Variants in PAG1 observed in about 807,000 individuals in gnomAD.
PAG1 encodes the protein phosphoprotein associated with glycosphingolipid-enriched microdomains 1.
Under a neutral mutation model 31.7 loss-of-function variants are expected in PAG1, and 23 were observed. The ratio of observed to expected loss-of-function variants is 0.73; its 90% CI spans 0.52 to 1.03. PAG1 has a LOEUF of 1.03. PAG1 is among the 50% of genes least tolerant of loss of function. PAG1 has a pLI of 0.00. For missense variants in PAG1, 473 were observed against 540.7 expected (o/e 0.87, Z 1.24); for synonymous variants, 214 against 210.3 (o/e 1.02, Z -0.15).
intron 1 of PAG1, among the ~76,000 whole-genome samples, chr8:81,086,450 T>G (rs985563523): frequency 6.6e-6 from 1 of 152,132 alleles, no homozygotes; most frequent in African/African-American, 2.4e-5. Flanking sequence ...AGGGCAAACA[T>G]GAGTAGTTCT....
chr8:81,107,726 A>G (rs1239784686), intron 1 of PAG1, among the ~76,000 whole-genome samples: 2 of 152,252 alleles, frequency 1.3e-5, no homozygotes, highest in Non-Finnish European at 2.9e-5. Flanking sequence ...GTGGTCATAT[A>G]AATTATGTAC....
chr8:80,981,724 G>A (rs1423772554), intron 7 of PAG1, among the ~76,000 whole-genome samples: 1 of 152,070 alleles, frequency 6.6e-6, no homozygotes, highest in East Asian at 1.9e-4. Flanking sequence ...ACATACCTAT[G>A]TGTGAATACT....
At chr8:81,037,748 G>C (rs1422115856) in intron 2 of PAG1, among the ~76,000 whole-genome samples, 1 of 152,158 alleles carries the variant, frequency 6.6e-6, no homozygotes, top group African/African-American at 2.4e-5. Context: ...TGAGATAATA[G>C]CCAGCACAAC....
rs747761763 is a variant in PAG1, at chr8:80,987,388, C to T, written c.256G>A (p.Ala86Thr). 18 of 1,610,974 alleles carry T rather than the reference C, an allele frequency of 1.1e-5. No individual in the cohort carries two copies. In the Middle Eastern group the frequency reaches 4.9e-4, roughly 44 times the overall value. Residue 86 changes from alanine to threonine, a missense_variant, in exon 6 of 9, where the codon GCA (alanine) becomes ACA (threonine). By Grantham distance (58) the Ala-to-Thr change is moderately conservative. Coordinates refer to ENST00000220597, the MANE Select transcript of PAG1 (RefSeq NM_018440.4). ...DAPASSEQNG[A>T]LTNGDILSED... The stretch of plus-strand genomic sequence containing the variant: ...AACTTACTGTCCCCATTGGTGAGTG[C>T]CCCATTCTGCTCACTGCTGGCAGGA...
chr8:80,974,835 ATAATAGCACTTCAAC>A lies in PAG1; in HGVS notation c.*1694_*1708del, dbSNP rs1807150857. 6.6e-6 allele frequency: 1 copy of A among 152,206 alleles called. No homozygotes were observed. Among genetic ancestry groups the A allele is most frequent in the Non-Finnish European group, 1.5e-5 (1 of 68,036 alleles). 9.4% of individuals were successfully genotyped at this position (152,206 alleles called of 1,614,324 possible). On this transcript the variant is annotated 3_prime_UTR_variant, in exon 9 of 9. Coordinates refer to ENST00000220597, the MANE Select transcript of PAG1 (RefSeq NM_018440.4). ...AGCTGTCTTTCCATAGCCCACACTC[ATAATAGCACTTCAAC>A]TAGGCTCCTTTGAAAATGAAAAGTG... is the stretch of plus-strand genomic sequence containing the variant.
rs903077972 is a variant in PAG1, at chr8:80,970,114, T to A, written c.*6430A>T. The stretch of plus-strand genomic sequence containing the variant: ...ATTTACTTTAAAAAGGTTTTTTTTT[T>A]GTTTTTGTTTTTGAGATGGAGTCTT... On this transcript the variant is annotated 3_prime_UTR_variant, in exon 9 of 9. Transcript: ENST00000220597. The A allele has an allele frequency of 6.6e-6, 1 of 152,228 alleles. No individual in the cohort carries two copies. The highest frequency in any genetic ancestry group is 1.5e-5 in the Non-Finnish European group (1 of 68,132). 9.4% of individuals were successfully genotyped at this position (152,228 alleles called of 1,614,324 possible).
chr8:81,045,693 A>T (rs867403994), intron 2 of PAG1, among the ~76,000 whole-genome samples: 2 of 152,378 alleles, frequency 1.3e-5, no homozygotes, highest in Middle Eastern at 6.8e-3. Flanking sequence ...TATGTGAAAG[A>T]TACTATATCT....
chr8:80,972,935 G>A lies in PAG1; in HGVS notation c.*3609C>T, dbSNP rs144465250. 2.4e-3 allele frequency: 360 copies of A among 148,294 alleles called. 5 individuals are homozygous for A. Among genetic ancestry groups the A allele is most frequent in the Admixed American group, 0.02 (299 of 15,010 alleles). 9.2% of individuals were successfully genotyped at this position (148,294 alleles called of 1,614,324 possible). Reference sequence around the variant, plus strand: ...GAGCCAAGTATATACACACACACACGTATACGTGTGTGTGTGTGTGTGTGT... The same window carrying A: ...GAGCCAAGTATATACACACACACACATATACGTGTGTGTGTGTGTGTGTGT... On this transcript the variant is annotated 3_prime_UTR_variant, in exon 9 of 9. Transcript: ENST00000220597.
At chr8:81,077,240 G>A (rs1328916379) in intron 1 of PAG1, among the ~76,000 whole-genome samples, 2 of 152,182 alleles carry the variant, frequency 1.3e-5, no homozygotes, top group African/African-American at 4.8e-5. Flanking sequence ...ACCAACTAGA[G>A]AACCATTAAG....
At chr8:81,026,548 C>T (rs896739203) in intron 3 of PAG1, among the ~76,000 whole-genome samples, 3 of 151,482 alleles carry the variant, frequency 2.0e-5, no homozygotes, top group African/African-American at 4.9e-5. Context: ...CCCACACTAA[C>T]TTAGCTGCCT....
intron 3 of PAG1, among the ~76,000 whole-genome samples, chr8:81,012,803 C>A (rs11786172): frequency 0.48 from 72,581 of 152,132 alleles, 20,684 homozygotes; most frequent in Non-Finnish European, 0.63. Context: ...CACAACCAGA[C>A]ATTGTATTGT....
chr8:81,012,951 A>G (rs1429377490), intron 3 of PAG1, among the ~76,000 whole-genome samples: 1 of 152,204 alleles, frequency 6.6e-6, no homozygotes, highest in Admixed American at 6.5e-5. Flanking sequence ...ATCAAATAGC[A>G]AGCAAGAATT....
intron 3 of PAG1, among the ~76,000 whole-genome samples, chr8:81,028,583 T>G (rs1808324767): frequency 6.6e-6 from 1 of 152,218 alleles, no homozygotes; most frequent in African/African-American, 2.4e-5. Context: ...AACACAGGCA[T>G]AATGCAATGT....
chr8:81,049,847 G>T (rs1808698291), intron 2 of PAG1, among the ~76,000 whole-genome samples: 1 of 152,124 alleles, frequency 6.6e-6, no homozygotes, highest in Non-Finnish European at 1.5e-5. Context: ...TAACAGGGCT[G>T]GTACTCCAGT....
At chr8:81,087,079 T>A (rs969293791) in intron 1 of PAG1, among the ~76,000 whole-genome samples, 1 of 152,170 alleles carries the variant, frequency 6.6e-6, no homozygotes, top group Non-Finnish European at 1.5e-5. Flanking sequence ...GCGTGGTGGC[T>A]CATGCCGGTA....
intron 3 of PAG1, among the ~76,000 whole-genome samples, chr8:81,018,700 T>A (rs1808112455): frequency 6.6e-6 from 1 of 152,224 alleles, no homozygotes; most frequent in Non-Finnish European, 1.5e-5. Context: ...ACACCATGAT[T>A]GTGAGGCCTC....
At chr8:81,103,068 G>C (rs997824703) in intron 1 of PAG1, among the ~76,000 whole-genome samples, 1 of 150,120 alleles carries the variant, frequency 6.7e-6, no homozygotes. Context: ...AATTTTATAA[G>C]TTAAAATATT....
chr8:81,055,075 C>CTT lies in PAG1; in HGVS notation c.-175+15035_-175+15036dup, dbSNP rs773535023. 5.9e-3 allele frequency among the ~76,000 whole-genome samples: 818 copies of CTT among 138,920 alleles called. 6 individuals are homozygous for CTT. The highest frequency in any genetic ancestry group is 0.019 in the African/African-American group (701 of 37,368). The allele number at this position is 138,920 out of a possible 152,430, so 91.1% of individuals were successfully genotyped here. A position where few individuals can be genotyped will look rare whatever the true frequency, so the allele number is the denominator to read the frequency against. On this transcript the variant is annotated intron_variant, in intron 2 of 8. Coordinates refer to ENST00000220597, the MANE Select transcript of PAG1 (RefSeq NM_018440.4). ...TCACTGAATTAATTTCTTTTTTTTT[C>CTT]TTTTTTTTTTTTTTTGTTGACACAG...
chr8:81,033,304 A>G (rs1324813113), intron 2 of PAG1, among the ~76,000 whole-genome samples: 1 of 152,218 alleles, frequency 6.6e-6, no homozygotes, highest in East Asian at 1.9e-4. Flanking sequence ...ATTGCAAACT[A>G]TCATGCCCTG....
Sources: allele counts gnomAD v4.1 joint callset (sites outside exome capture counted in the v4.1 genomes callset), GRCh38; gene constraint gnomAD v4.1.1; transcripts MANE v1.5; gene names NCBI Gene and HGNC (gene_info 2026-07-23, HGNC 2026-07-21).